The following ACAP3 variants were observed in gnomAD, a reference collection of about 807,000 sequenced individuals.
The protein encoded by ACAP3 is ArfGAP with coiled-coil, ankyrin repeat and PH domains 3.
A neutral mutation model predicts 104.1 loss-of-function variants in ACAP3; 56 were observed. The ratio of observed to expected loss-of-function variants is 0.54; its 90% CI spans 0.43 to 0.67. ACAP3 has a LOEUF of 0.67. Among genes scored for constraint, ACAP3 ranks in the 30% least tolerant of loss-of-function variants. The pLI is 0.00. For synonymous variants in ACAP3, 628 were observed against 496.2 expected, an observed-to-expected ratio of 1.27 and a Z score of -3.53; for missense variants, 1,208 against 1,174.9, an observed-to-expected ratio of 1.03 and a Z score of -0.41.
chr1:1,303,464 TC>T lies in ACAP3; in HGVS notation c.106-184del. ...GGCCTGCCTGGGGCTTGGAGGCCCG[TC>T]TGGGAGGGGAGGGTGGGGCCGCCAC... is the stretch of plus-strand genomic sequence containing the variant. On this transcript the variant is annotated intron_variant, in intron 2 of 23. Coordinates refer to ENST00000354700, the MANE Select transcript of ACAP3 (RefSeq NM_030649.3). The surrounding 1 kb of genome is among the most constrained non-coding windows in gnomAD (Gnocchi z 4.0). 1 of 382,698 alleles carries T rather than the reference TC, an allele frequency of 2.6e-6. No homozygotes were observed. Among genetic ancestry groups the T allele is most frequent in the Non-Finnish European group, 4.8e-6 (1 of 207,350 alleles). The allele number at this position is 382,698 out of a possible 1,614,324, so 23.7% of individuals were successfully genotyped here.
At chr1:1,294,038 CCGGGGTAGGCGTGGT>C (rs1241813370) in intron 22 of ACAP3, 37 bp downstream of exon 22, 10 of 1,496,432 alleles carry the variant, frequency 6.7e-6, no homozygotes, top group Non-Finnish European at 8.9e-6. Flanking sequence ...CGTAGCCGGG[CCGGGGTAGGCGTGGT>C]CGGGGCACAG....
At chr1:1,294,940 A>G in intron 19 of ACAP3, 124 bp from the exon 20 acceptor site, 1 of 923,422 alleles carries the variant, frequency 1.1e-6, no homozygotes, top group Non-Finnish European at 1.6e-6. Flanking sequence ...ACCAGCTCCC[A>G]CCCAGGGCCG....
intron 22 of ACAP3, 49 bp from the exon 23 acceptor site, chr1:1,293,982 G>T (rs753260669): frequency 2.0e-6 from 3 of 1,477,144 alleles, no homozygotes; most frequent in Non-Finnish European, 2.7e-6. Context: ...GGGGCGGGGC[G>T]AGTGTGGTCG....
In ACAP3 at chr1:1,294,451, GC is replaced by G; in HGVS notation, c.2089del (p.Ala697ArgfsTer16). 1 of 1,573,004 alleles carries G rather than the reference GC, an allele frequency of 6.4e-7. No homozygotes were observed. Among genetic ancestry groups the G allele is most frequent in the Non-Finnish European group, 8.6e-7 (1 of 1,165,748 alleles). On this transcript the variant is annotated frameshift_variant, in exon 21 of 24. Transcript: ENST00000354700. LOFTEE classifies it high-confidence loss of function. Reference protein sequence around the residue: ...ALAHGAEVNWADAEDEGKTPL... With the variant: ...ALAHGAEVNWXDAEDEGKTPL... ...CGTCTTGCCCTCATCCTCCGCGTCC[GC>G]CCAGTTGACCTCGGCCCCGTGGGCC...
At chr1:1,306,010 G>GC (rs1047257757) in intron 1 of ACAP3, 1 of 152,308 alleles carries the variant, frequency 6.6e-6, no homozygotes, top group African/African-American at 2.4e-5. Context: ...CTTAGGGCCT[G>GC]CCCCCAGGAC....
intron 14 of ACAP3, 55 bp downstream of exon 14, chr1:1,297,767 C>G (rs1378800879): frequency 6.4e-7 from 1 of 1,557,176 alleles, no homozygotes; most frequent in Non-Finnish European, 8.8e-7. Context: ...CAGGGGCCAT[C>G]CCCGGTGGCA....
intron 12 of ACAP3, 24 bp downstream of exon 12, chr1:1,298,331 TCCAGCCATCAGGGCC>T: frequency 1.2e-6 from 2 of 1,605,320 alleles, no homozygotes; most frequent in Non-Finnish European, 1.7e-6. Flanking sequence ...AGGTGGGGCG[TCCAGCCATCAGGGCC>T]CCAGCCCCAG....
At chr1:1,296,380 G>A (rs1158714679) in intron 15 of ACAP3, 45 bp downstream of exon 15, 1 of 1,532,312 alleles carries the variant, frequency 6.5e-7, no homozygotes, top group Non-Finnish European at 8.7e-7. Flanking sequence ...ACCTGTGGAT[G>A]CTCCAGCCCA....
intron 18 of ACAP3, 38 bp from the exon 19 acceptor site, chr1:1,295,592 C>T: frequency 6.2e-7 from 1 of 1,600,478 alleles, no homozygotes; most frequent in Non-Finnish European, 8.5e-7. Flanking sequence ...TGGAACAGGC[C>T]CGGGGTGGGG....
chr1:1,300,410 G>T, intron 6 of ACAP3, 99 bp downstream of exon 6: 1 of 1,356,172 alleles, frequency 7.4e-7, no homozygotes, highest in Non-Finnish European at 1.0e-6. Context: ...AGCAAGAATC[G>T]TCACTCCTGC....
intron 4 of ACAP3, 82 bp downstream of exon 4, chr1:1,302,840 C>A: frequency 9.6e-7 from 1 of 1,040,432 alleles, no homozygotes; most frequent in Non-Finnish European, 1.4e-6. Flanking sequence ...CCCCCCCAAC[C>A]CGACGCCGGC....
intron 22 of ACAP3, 24 bp from the exon 23 acceptor site, chr1:1,293,957 G>A: frequency 1.3e-6 from 2 of 1,524,610 alleles, no homozygotes; most frequent in Non-Finnish European, 1.8e-6. Context: ...TCGGAGGGGC[G>A]TGTCGGGGCG....
rs1641525255 is a variant in ACAP3 at position 1,303,147 on chromosome 1, C to T, written c.225+15G>A. 1 of 1,585,154 alleles carries T rather than the reference C, an allele frequency of 6.3e-7. No individual in the cohort carries two copies. Among genetic ancestry groups the T allele is most frequent in the Non-Finnish European group, 8.6e-7 (1 of 1,166,722 alleles). Reference sequence around the variant, plus strand: ...CCAACCCCACCTTGAGGTCAGAGGTCAGTCGGCCCCTCACCGAGATGACGG... The same window carrying T: ...CCAACCCCACCTTGAGGTCAGAGGTTAGTCGGCCCCTCACCGAGATGACGG... On this transcript the variant is annotated intron_variant, in intron 3 of 23. Transcript: ENST00000354700. The surrounding 1 kb of genome is among the most constrained non-coding windows in gnomAD (Gnocchi z 4.0).
chr1:1,300,218 CCCACAGGTGAGCCCCGGAGGCTGAGG>C lies in ACAP3; in HGVS notation c.523-42_523-17del. On this transcript the variant is annotated splice_polypyrimidine_tract_variant and intron_variant, in intron 6 of 23. Transcript: ENST00000354700. The stretch of plus-strand genomic sequence containing the variant: ...GAACATTGATCTGCCAGAGGGGGAG[CCCACAGGTGAGCCCCGGAGGCTGAGG>C]CAGCCCCAAGCCCTGCACCTGCCAT... 6.3e-7 allele frequency: 1 copy of C among 1,597,724 alleles called. No homozygotes were observed. Among genetic ancestry groups the C allele is most frequent in the Non-Finnish European group, 8.5e-7 (1 of 1,171,320 alleles).
At chr1:1,307,607 C>T (rs988097066) in intron 1 of ACAP3, among the ~76,000 whole-genome samples, 162 bp downstream of exon 1, 26 of 152,056 alleles carry the variant, frequency 1.7e-4, no homozygotes, top group Non-Finnish European at 3.2e-4. Flanking sequence ...ACCCCCGGGG[C>T]ATGGCGGGGC....
rs1433728835 is a variant in ACAP3 at position 1,303,135 on chromosome 1, G to A, written c.225+27C>T. On this transcript the variant is annotated intron_variant, in intron 3 of 23. Coordinates refer to ENST00000354700, the MANE Select transcript of ACAP3 (RefSeq NM_030649.3). This position sits in a 1 kb window ranked among gnomAD's most constrained non-coding sequence, Gnocchi z 4.0. ...TCGGCCTCTCCCCCAACCCCACCTT[G>A]AGGTCAGAGGTCAGTCGGCCCCTCA... The A allele has an allele frequency of 1.9e-6, 3 of 1,578,434 alleles. No individual in the cohort carries two copies. The highest frequency in any genetic ancestry group is 1.8e-5 in the Admixed American group (1 of 54,788).
In ACAP3 at chr1:1,292,865, A is replaced by C. The variant is rs928997711; in HGVS notation, c.*699T>G. On this transcript the variant is annotated 3_prime_UTR_variant, in exon 24 of 24. Transcript: ENST00000354700. ...GGTCCGCTACAAAGAACATGAGATG[A>C]GGGCTGCAAAGTGGCAAAGTGGCTT... The C allele has an allele frequency of 2.0e-5, 3 of 152,298 alleles. No homozygotes were observed. Among genetic ancestry groups the C allele is most frequent in the African/African-American group, 7.2e-5 (3 of 41,470 alleles). The allele number at this position is 152,298 out of a possible 1,614,324, so 9.4% of individuals were successfully genotyped here.
intron 10 of ACAP3, 108 bp downstream of exon 10, chr1:1,299,237 T>TG: frequency 7.2e-7 from 1 of 1,390,168 alleles, no homozygotes; most frequent in East Asian, 2.5e-5. Flanking sequence ...CCGAGACTGG[T>TG]GGGAGGTGTC....
chr1:1,300,105 G>C (rs757237695), intron 7 of ACAP3, 37 bp from the exon 8 acceptor site: 5 of 1,607,224 alleles, frequency 3.1e-6, no homozygotes, highest in Non-Finnish European at 4.3e-6. Context: ...AAGCACACCC[G>C]GTCCAGCCCC....
Sources: allele counts gnomAD v4.1 joint callset (sites outside exome capture counted in the v4.1 genomes callset), GRCh38; gene constraint gnomAD v4.1.1; non-coding constraint Gnocchi (gnomAD v3.1); transcripts MANE v1.5; gene names NCBI Gene and HGNC (gene_info 2026-07-23, HGNC 2026-07-21).